The following CNOT10 variants were observed in gnomAD, a reference collection of about 807,000 sequenced individuals.
The protein encoded by CNOT10 is CCR4-NOT transcription complex, subunit 10.
In CNOT10, 30 loss-of-function variants were observed where a neutral mutation model predicts 94.6. The observed-to-expected ratio is 0.32, with a 90% CI of 0.24 to 0.43. The LOEUF (loss-of-function observed/expected upper bound fraction) is 0.43. Ranked by LOEUF, CNOT10 falls within the 20% of genes least tolerant of loss-of-function variation. CNOT10 has a pLI of 1.00. For synonymous variants in CNOT10, 289 were observed against 301.6 expected (o/e 0.96, Z 0.43); for missense variants, 759 against 877.2 (o/e 0.87, Z 1.70).
chr3:32,756,637 TG>T (rs1012585430), intron 13 of CNOT10, among the ~76,000 whole-genome samples: 1 of 152,086 alleles, frequency 6.6e-6, no homozygotes, highest in African/African-American at 2.4e-5. Flanking sequence ...ACAGGAAAGG[TG>T]GGGGTCTGGA....
intron 13 of CNOT10, among the ~76,000 whole-genome samples, chr3:32,747,774 C>G (rs1184211027): frequency 1.3e-5 from 2 of 152,136 alleles, no homozygotes; most frequent in African/African-American, 4.8e-5. Context: ...ATGGTGAAAC[C>G]CCGTCTCTAC....
intron 4 of CNOT10, among the ~76,000 whole-genome samples, chr3:32,713,025 G>C (rs937922092): frequency 2.6e-5 from 4 of 152,220 alleles, no homozygotes; most frequent in Non-Finnish European, 5.9e-5. Context: ...TTTCTGAAAT[G>C]AGAGGCCTTG....
intron 13 of CNOT10, among the ~76,000 whole-genome samples, chr3:32,739,108 G>C (rs1699332732): frequency 6.6e-6 from 1 of 151,944 alleles, no homozygotes; most frequent in Admixed American, 6.6e-5. Flanking sequence ...GTTTTACCAT[G>C]TTAGCCAGGC....
At chr3:32,753,366 C>T (rs893292306) in intron 13 of CNOT10, 10 of 1,321,150 alleles carry the variant, frequency 7.6e-6, no homozygotes, top group Admixed American at 5.1e-5. Context: ...GTAGTCATTA[C>T]ACTTACGATC....
intron 1 of CNOT10, among the ~76,000 whole-genome samples, chr3:32,698,337 C>T (rs1049758570): frequency 1.3e-5 from 2 of 152,120 alleles, no homozygotes; most frequent in Non-Finnish European, 2.9e-5. Context: ...CTTTTTTATA[C>T]AGCAGATAAG....
chr3:32,752,408 A>G (rs1211314638), intron 13 of CNOT10, among the ~76,000 whole-genome samples: 1 of 152,160 alleles, frequency 6.6e-6, no homozygotes, highest in African/African-American at 2.4e-5. Flanking sequence ...AAATAAAGCA[A>G]TTGGTTTAGG....
At position 32,773,625 on chromosome 3, in the gene CNOT10, G is replaced by A; in HGVS notation, c.*14G>A. On this transcript the variant is annotated 3_prime_UTR_variant, in exon 19 of 19. Transcript: ENST00000328834. ...CAGAGAAAGTGATACTTCACTTTTGGAAAACTGTTACCTGAGACCCAGGGG... is the reference window on the plus strand; with the variant it reads ...CAGAGAAAGTGATACTTCACTTTTGAAAAACTGTTACCTGAGACCCAGGGG... 2 of 1,600,098 alleles carry A rather than the reference G, an allele frequency of 1.2e-6. No individual in the cohort carries two copies. The highest frequency in any genetic ancestry group is 1.7e-6 in the Non-Finnish European group (2 of 1,173,220).
chr3:32,743,117 C>G (rs1449501871), intron 13 of CNOT10, among the ~76,000 whole-genome samples: 1 of 151,560 alleles, frequency 6.6e-6, no homozygotes, highest in African/African-American at 2.4e-5. Context: ...TCCCAAGTAG[C>G]TGGAATTACA....
chr3:32,749,426 T>TTTTTA (rs1699859518), intron 13 of CNOT10, among the ~76,000 whole-genome samples: 1 of 104,180 alleles, frequency 9.6e-6, no homozygotes, highest in Non-Finnish European at 2.0e-5. Context: ...TTTTTTTTTT[T>TTTTTA]GAGACTGAGT....
chr3:32,753,972 T>G, intron 13 of CNOT10: 1 of 751,536 alleles, frequency 1.3e-6, no homozygotes, highest in Non-Finnish European at 2.0e-6. Flanking sequence ...AGGTGCATGC[T>G]TGTAATCCCA....
intron 13 of CNOT10, among the ~76,000 whole-genome samples, chr3:32,754,067 T>C (rs1281100403): frequency 6.6e-6 from 1 of 151,988 alleles, no homozygotes; most frequent in Non-Finnish European, 1.5e-5. Flanking sequence ...GCCATTGCAC[T>C]CCAGCCTGGG....
chr3:32,719,987 T>C (rs919589725), intron 7 of CNOT10, 127 bp from the exon 8 acceptor site: 14 of 471,770 alleles, frequency 3.0e-5, no homozygotes, highest in Admixed American at 1.0e-4. Flanking sequence ...AGAGACTATA[T>C]AATTTTTTGT....
chr3:32,716,860 G>T (rs189141775), intron 6 of CNOT10, among the ~76,000 whole-genome samples: 23 of 152,256 alleles, frequency 1.5e-4, no homozygotes, highest in Non-Finnish European at 2.8e-4. Context: ...ATGTTGGCCA[G>T]GCTGGTCTCA....
At chr3:32,735,692 A>C (rs2125582472) in intron 12 of CNOT10, among the ~76,000 whole-genome samples, 1 of 152,324 alleles carries the variant, frequency 6.6e-6, no homozygotes, top group Admixed American at 6.5e-5. Flanking sequence ...GCCTGGTGAC[A>C]GAATGAGACT....
intron 3 of CNOT10, among the ~76,000 whole-genome samples, 183 bp from the exon 4 acceptor site, chr3:32,708,487 A>T (rs575995442): frequency 8.5e-5 from 13 of 152,254 alleles, no homozygotes; most frequent in Non-Finnish European, 1.6e-4. Flanking sequence ...TATGTGTGGC[A>T]CAGAAGAATG....
intron 10 of CNOT10, among the ~76,000 whole-genome samples, chr3:32,732,161 C>T (rs975410050): frequency 2.0e-5 from 3 of 151,550 alleles, no homozygotes; most frequent in African/African-American, 7.3e-5. Flanking sequence ...GAGGCCGAGG[C>T]GGGCGGATCA....
chr3:32,687,077 T>C (rs1479592592), intron 1 of CNOT10, among the ~76,000 whole-genome samples: 1 of 152,190 alleles, frequency 6.6e-6, no homozygotes, highest in East Asian at 1.9e-4. Flanking sequence ...ATAGGCCATA[T>C]TGAAGGAAAC....
At position 32,746,075 on chromosome 3, in the gene CNOT10, G is replaced by GT. The variant is rs1490960027; in HGVS notation, c.1595+8586dup. On this transcript the variant is annotated intron_variant, in intron 13 of 18. Transcript: ENST00000328834. Reference sequence around the variant, plus strand: ...TGTTTTTTCTTTTCCTTCGCATAAGGTATCTACTGTGTGATTCCATTTATA... The same window carrying GT: ...TGTTTTTTCTTTTCCTTCGCATAAGGTTATCTACTGTGTGATTCCATTTATA... Among the ~76,000 whole-genome samples the GT allele has an allele frequency of 6.6e-5, 10 of 152,188 alleles. 1 individual carries two copies. Among genetic ancestry groups the GT allele is most frequent in the South Asian group, 4.1e-4 (2 of 4,834 alleles).
At chr3:32,766,047 C>T (rs76408784) in intron 17 of CNOT10, among the ~76,000 whole-genome samples, 1 of 42,838 alleles carries the variant, frequency 2.3e-5, no homozygotes. Flanking sequence ...CTCTTGTTGC[C>T]CAGACTGGAG....
Sources: gnomAD v4.1 joint callset for allele counts (sites outside exome capture counted in the v4.1 genomes callset) on GRCh38, gnomAD v4.1.1 for gene constraint, MANE v1.5 for transcripts, NCBI Gene and HGNC (gene_info 2026-07-23, HGNC 2026-07-21) for gene names.